The following PLCB4 variants were observed in gnomAD, a reference collection of about 807,000 sequenced individuals.
PLCB4 encodes phospholipase C beta 4.
Under a neutral mutation model 178.8 loss-of-function variants are expected in PLCB4, and 77 were observed. The observed-to-expected ratio is 0.43, with a 90% CI of 0.36 to 0.52. The LOEUF (loss-of-function observed/expected upper bound fraction) is 0.52, where lower values mean the gene tolerates loss of function less well. PLCB4 is among the 20% of genes least tolerant of loss of function. The pLI, the probability that PLCB4 is intolerant of heterozygous loss-of-function variation, is 0.00. For synonymous variants in PLCB4, 496 were observed against 490.8 expected (o/e 1.01, Z -0.14); for missense variants, 1,024 against 1,453.4 (o/e 0.70, Z 4.80).
intron 3 of PLCB4, among the ~76,000 whole-genome samples, chr20:9,251,144 C>A (rs1266448541): frequency 6.6e-6 from 1 of 152,166 alleles, no homozygotes; most frequent in Non-Finnish European, 1.5e-5. Context: ...CCATGGTGTG[C>A]AAATTGAGCT....
intron 28 of PLCB4, among the ~76,000 whole-genome samples, chr20:9,431,362 A>G (rs1054976310): frequency 2.6e-5 from 4 of 152,124 alleles, no homozygotes; most frequent in African/African-American, 9.7e-5. Context: ...ACCTAAGCAA[A>G]GACCCTGTTT....
At chr20:9,381,530 G>A (rs752321171) in intron 13 of PLCB4, among the ~76,000 whole-genome samples, 2 of 152,160 alleles carry the variant, frequency 1.3e-5, no homozygotes, top group Non-Finnish European at 2.9e-5. Flanking sequence ...CAATTCCTTG[G>A]CAGTGTGATA....
intron 9 of PLCB4, among the ~76,000 whole-genome samples, chr20:9,368,177 C>T (rs1013721079): frequency 6.6e-6 from 1 of 152,150 alleles, no homozygotes; most frequent in Non-Finnish European, 1.5e-5. Context: ...ATAGTGATTA[C>T]ATAGCTTGGG....
In PLCB4 at chr20:9,107,397, G is replaced by A. The variant is rs544338232; in HGVS notation, c.-79+11055G>A. Among the ~76,000 whole-genome samples, 7 of 152,240 alleles carry A rather than the reference G, an allele frequency of 4.6e-5. No individual in the cohort carries two copies. In the East Asian group the frequency reaches 1.4e-3, roughly 29 times the overall value. On this transcript the variant is annotated intron_variant, in intron 2 of 39. Transcript: ENST00000378473. ...AGAAAAGGGGGAATAGGGAGCAGAG[G>A]GTGTGTTGTCATTTTAGAAAAGATT...
intron 2 of PLCB4, among the ~76,000 whole-genome samples, chr20:9,200,428 G>A (rs1450281818): frequency 6.6e-6 from 1 of 152,240 alleles, no homozygotes; most frequent in South Asian, 2.1e-4. Flanking sequence ...TAGCCTGTTA[G>A]CTGGTTTCGG....
chr20:9,107,510 G>C (rs181223860), intron 2 of PLCB4, among the ~76,000 whole-genome samples: 3 of 152,114 alleles, frequency 2.0e-5, no homozygotes, highest in Non-Finnish European at 4.4e-5. Context: ...TGTCATCTGT[G>C]GGGGGCGACC....
chr20:9,261,507 G>T (rs1435676410), intron 3 of PLCB4, among the ~76,000 whole-genome samples: 1 of 152,098 alleles, frequency 6.6e-6, no homozygotes, highest in African/African-American at 2.4e-5. Context: ...TCATGGCATT[G>T]AATGTTCTTC....
intron 3 of PLCB4, among the ~76,000 whole-genome samples, chr20:9,230,549 C>T (rs767879900): frequency 6.6e-6 from 1 of 152,108 alleles, no homozygotes; most frequent in Non-Finnish European, 1.5e-5. Context: ...TAACAAACTA[C>T]CCTCAAAATT....
chr20:9,392,659 G>A (rs1010774428), intron 17 of PLCB4, among the ~76,000 whole-genome samples: 3 of 152,146 alleles, frequency 2.0e-5, no homozygotes, highest in Non-Finnish European at 4.4e-5. Flanking sequence ...GGGAGTGGGA[G>A]CAGGACACAA....
At chr20:9,104,488 C>T (rs969716622) in intron 2 of PLCB4, among the ~76,000 whole-genome samples, 1 of 152,142 alleles carries the variant, frequency 6.6e-6, no homozygotes, top group South Asian at 2.1e-4. Flanking sequence ...CATACTCTCT[C>T]TGCCTCAGTC....
intron 19 of PLCB4, 115 bp downstream of exon 19, chr20:9,395,733 GT>G (rs1311065115): frequency 1.5e-6 from 1 of 672,830 alleles, no homozygotes; most frequent in Non-Finnish European, 2.5e-6. Context: ...GGAGGCCAAG[GT>G]GGGAGGATTG....
intron 28 of PLCB4, among the ~76,000 whole-genome samples, chr20:9,425,288 G>A (rs1480361132): frequency 6.6e-6 from 1 of 152,208 alleles, no homozygotes; most frequent in African/African-American, 2.4e-5. Context: ...CTCCACATAC[G>A]TGAGCTTAGA....
rs576601628 is a variant in PLCB4, at chr20:9,263,548, T to C, written c.-15-44252T>C. Among the ~76,000 whole-genome samples, 7 of 152,280 alleles carry C rather than the reference T, an allele frequency of 4.6e-5. 1 individual carries two copies. The South Asian group carries it at 1.5e-3, about 32-fold the overall frequency. Reference sequence around the variant, plus strand: ...TGGTAACAAGATACCCTGATAATTGTAGAGCACTGACTTTTGAGAAATGCT... The same window carrying C: ...TGGTAACAAGATACCCTGATAATTGCAGAGCACTGACTTTTGAGAAATGCT... On this transcript the variant is annotated intron_variant, in intron 3 of 39. Transcript: ENST00000378473.
At chr20:9,192,518 A>ATTTT (rs1439596524) in intron 2 of PLCB4, among the ~76,000 whole-genome samples, 2 of 143,460 alleles carry the variant, frequency 1.4e-5, no homozygotes, top group African/African-American at 5.2e-5. Context: ...AGAGTCTTGA[A>ATTTT]TTTTTTTTTC....
At chr20:9,415,089 T>C (rs971619272) in intron 25 of PLCB4, among the ~76,000 whole-genome samples, 3 of 152,234 alleles carry the variant, frequency 2.0e-5, no homozygotes, top group African/African-American at 7.2e-5. Context: ...ATGGAACAGT[T>C]ATAACAATAT....
At chr20:9,365,363 T>G (rs1382148510) in intron 8 of PLCB4, 98 bp from the exon 9 acceptor site, 2 of 735,144 alleles carry the variant, frequency 2.7e-6, no homozygotes, top group Admixed American at 2.3e-5. Context: ...AGAACCAATG[T>G]TCTTGATTTA....
At chr20:9,379,057 A>G (rs2036920181) in intron 12 of PLCB4, among the ~76,000 whole-genome samples, 1 of 152,156 alleles carries the variant, frequency 6.6e-6, no homozygotes, top group African/African-American at 2.4e-5. Context: ...ACACCTGCTT[A>G]TCTGTCATTA....
rs543911660 is a variant in PLCB4 at position 9,457,290 on chromosome 20, A to G, written c.2997-124A>G. The G allele has an allele frequency of 1.7e-5, 11 of 660,176 alleles. No homozygotes were observed. In the South Asian group the frequency reaches 2.0e-4, roughly 12 times the overall value. The allele number at this position is 660,176 out of a possible 1,614,324, so 40.9% of individuals were successfully genotyped here. On this transcript the variant is annotated intron_variant, in intron 33 of 39. Coordinates refer to ENST00000378473, the MANE Select transcript of PLCB4 (RefSeq NM_001377142.1). ...ATTACTAGAAAGACCAGTGTTGCCC[A>G]ATGAGCCATGACATCTCATATTTGA...
chr20:9,307,494 T>TATAC (rs1396442853), intron 3 of PLCB4, among the ~76,000 whole-genome samples: 4,843 of 137,950 alleles, frequency 0.035, 112 homozygotes, highest in Admixed American at 0.071. Context: ...AAAAAAAGAA[T>TATAC]ACACACACAC....
Sources: allele counts gnomAD v4.1 joint callset (sites outside exome capture counted in the v4.1 genomes callset), GRCh38; gene constraint gnomAD v4.1.1; transcripts MANE v1.5; gene names NCBI Gene and HGNC (gene_info 2026-07-23, HGNC 2026-07-21).